The following FREM3 variants were observed in gnomAD, a reference collection of about 807,000 sequenced individuals.
FREM3 encodes FRAS1-related extracellular matrix protein 3.
FREM3 carries 105 observed loss-of-function variants against 129.1 expected under a neutral mutation model. That is an observed-to-expected ratio of 0.81 (90% CI 0.69 to 0.96). The LOEUF is 0.96. Among genes scored for constraint, FREM3 ranks in the 40% least tolerant of loss-of-function variants. The pLI is 0.00. For synonymous variants in FREM3, 1,014 were observed against 1,044.9 expected (o/e 0.97, Z 0.57); for missense variants, 2,593 against 2,666.3 (o/e 0.97, Z 0.61).
intron 7 of FREM3, among the ~76,000 whole-genome samples, chr4:143,578,462 A>C (rs1016758089): frequency 6.6e-6 from 1 of 152,248 alleles, no homozygotes; most frequent in Admixed American, 6.5e-5. Flanking sequence ...GAGTGATATA[A>C]ATATAAAAAT....
intron 6 of FREM3, among the ~76,000 whole-genome samples, 161 bp downstream of exon 6, chr4:143,611,118 G>C (rs74340254): frequency 2.5e-4 from 38 of 152,288 alleles, no homozygotes; most frequent in Middle Eastern, 3.4e-3. Flanking sequence ...TGGTGTTGGT[G>C]ATGTCTATGC....
chr4:143,694,095 CATGACATGAGTTT>C (rs1431968654), intron 1 of FREM3, among the ~76,000 whole-genome samples: 2 of 152,154 alleles, frequency 1.3e-5, no homozygotes, highest in African/African-American at 4.8e-5. Flanking sequence ...AACAGACCAG[CATGACATGAGTTT>C]AAGTATGTAA....
At chr4:143,655,163 C>T (rs1389111229) in intron 2 of FREM3, among the ~76,000 whole-genome samples, 2 of 152,094 alleles carry the variant, frequency 1.3e-5, no homozygotes, top group Non-Finnish European at 2.9e-5. Flanking sequence ...GTACTGTGCA[C>T]CAGTGTACTC....
Position 143,697,713 on chromosome 4 carries a change from A to G in FREM3, c.2963T>C (p.Val988Ala). The G allele has an allele frequency of 8.5e-6, 13 of 1,537,712 alleles. No individual in the cohort carries two copies. Among genetic ancestry groups the G allele is most frequent in the Admixed American group, 2.0e-5 (1 of 51,000 alleles). Residue 988 changes from valine to alanine, a missense_variant, in exon 1 of 8, where the codon GTA (valine) becomes GCA (alanine). Around this residue, in one of 2 missense-constraint regions of FREM3, gnomAD observed 2,276 missense variants for 2,267.2 expected, o/e 1.00. Coordinates refer to ENST00000329798, the MANE Select transcript of FREM3 (RefSeq NM_001168235.2). ...DVGDLMLSFIVKDSPKLGTIL... is the reference protein window; with the variant it reads ...DVGDLMLSFIAKDSPKLGTIL... ...AGTGCCCAGTTTGGGGCTGTCCTTT[A>G]CAATGAAAGACAGCATCAAGTCACC...
chr4:143,662,179 T>C, intron 2 of FREM3, among the ~76,000 whole-genome samples: 1 of 152,190 alleles, frequency 6.6e-6, no homozygotes, highest in Non-Finnish European at 1.5e-5. Flanking sequence ...AATTGTGATG[T>C]TAGGGTGTCA....
At chr4:143,615,668 TAGGGAATATCGTCA>T (rs1738829727) in intron 5 of FREM3, among the ~76,000 whole-genome samples, 1 of 149,542 alleles carries the variant, frequency 6.7e-6, no homozygotes, top group Admixed American at 6.6e-5. Context: ...TCTGTTCTCA[TAGGGAATATCGTCA>T]AGTGTAGGGA....
intron 2 of FREM3, among the ~76,000 whole-genome samples, chr4:143,642,296 A>AT: frequency 6.6e-6 from 1 of 152,252 alleles, no homozygotes; most frequent in Non-Finnish European, 1.5e-5. Context: ...CACAGAAGAG[A>AT]TAACAATAAT....
At position 143,685,446 on chromosome 4, in the gene FREM3, G is replaced by A. The variant is rs556791179; in HGVS notation, c.5275+7667C>T. ...CACAGTCTTTTTCAGATGAACAAGT[G>A]CTGAGGGAATTTATCATTACCAAGC... is the stretch of plus-strand genomic sequence containing the variant. On this transcript the variant is annotated intron_variant, in intron 2 of 7. Transcript: ENST00000329798. 8.5e-5 allele frequency among the ~76,000 whole-genome samples: 13 copies of A among 152,202 alleles called. No homozygotes were observed. In the East Asian group the frequency reaches 2.5e-3, roughly 29 times the overall value.
intron 2 of FREM3, among the ~76,000 whole-genome samples, chr4:143,664,798 G>C (rs544065405): frequency 6.6e-6 from 1 of 152,120 alleles, no homozygotes; most frequent in South Asian, 2.1e-4. Flanking sequence ...AATGGCGGGC[G>C]CCCCTCCCCC....
chr4:143,599,003 T>A (rs908842055), intron 6 of FREM3, among the ~76,000 whole-genome samples: 1 of 152,178 alleles, frequency 6.6e-6, no homozygotes, highest in African/African-American at 2.4e-5. Flanking sequence ...CTGTAGCTGG[T>A]TTTGTACTCA....
chr4:143,641,222 T>G (rs1480596679), intron 2 of FREM3, among the ~76,000 whole-genome samples: 1 of 152,104 alleles, frequency 6.6e-6, no homozygotes, highest in Non-Finnish European at 1.5e-5. Flanking sequence ...ATGTACACAG[T>G]GTACTCAAAG....
chr4:143,577,398 G>A lies in FREM3; in HGVS notation c.*213C>T, dbSNP rs552310272. ...AAAATAGAAAAAGAACATGAACACA[G>A]TCTAATTATTTGTGGGCTCAATGTT... On this transcript the variant is annotated 3_prime_UTR_variant, in exon 8 of 8. Coordinates refer to ENST00000329798, the MANE Select transcript of FREM3 (RefSeq NM_001168235.2). 2 of 540,622 alleles carry A rather than the reference G, an allele frequency of 3.7e-6. No individual in the cohort carries two copies. The highest frequency in any genetic ancestry group is 3.1e-5 in the South Asian group (1 of 32,178). 33.5% of individuals were successfully genotyped at this position (540,622 alleles called of 1,614,324 possible).
chr4:143,581,600 C>T (rs1218025610), intron 7 of FREM3, among the ~76,000 whole-genome samples: 1 of 151,958 alleles, frequency 6.6e-6, no homozygotes, highest in Non-Finnish European at 1.5e-5. Flanking sequence ...AGTGGTTCTG[C>T]CAGTGCTGCC....
chr4:143,697,432 CAT>C lies in FREM3; in HGVS notation c.3242_3243del (p.Tyr1081Ter), dbSNP rs1333094780. ...AAGGTCAAGGAGTTCTTCTCACCTT[CAT>C]AGACAATGAAGGACTCCCCGACGAA... Reference protein sequence around the residue: ...KVFVGESFIVYEGEKNSLTLQ... With the variant: ...KVFVGESFIVXEGEKNSLTLQ... On this transcript the variant is annotated frameshift_variant, in exon 1 of 8. Coordinates refer to ENST00000329798, the MANE Select transcript of FREM3 (RefSeq NM_001168235.2). LOFTEE classifies it high-confidence loss of function. The C allele has an allele frequency of 6.5e-7, 1 of 1,537,238 alleles. No individual in the cohort carries two copies. The highest frequency in any genetic ancestry group is 2.0e-5 in the Admixed American group (1 of 50,998).
intron 2 of FREM3, among the ~76,000 whole-genome samples, chr4:143,640,491 A>G (rs1018212667): frequency 6.6e-6 from 1 of 152,146 alleles, no homozygotes; most frequent in African/African-American, 2.4e-5. Context: ...ACCAACATGG[A>G]GAAACCCTGT....
rs1740263696 is a variant in FREM3, at chr4:143,682,162, G to A, written c.5275+10951C>T. 3.3e-5 allele frequency among the ~76,000 whole-genome samples: 5 copies of A among 152,268 alleles called. No homozygotes were observed. In the South Asian group the frequency reaches 1.0e-3, roughly 32 times the overall value. ...ATACAAAATTTGGTATCCTAGTGAGGCAAGAGAATAGGGTCTGGAGGCAGG... is the reference window on the plus strand; with the variant it reads ...ATACAAAATTTGGTATCCTAGTGAGACAAGAGAATAGGGTCTGGAGGCAGG... On this transcript the variant is annotated intron_variant, in intron 2 of 7. Transcript: ENST00000329798.
At chr4:143,609,857 G>A (rs2149838982) in intron 6 of FREM3, among the ~76,000 whole-genome samples, 1 of 152,260 alleles carries the variant, frequency 6.6e-6, no homozygotes, top group Middle Eastern at 3.4e-3. Context: ...ATAAGATAAC[G>A]TGAGTAGTGT....
intron 6 of FREM3, among the ~76,000 whole-genome samples, chr4:143,609,390 A>C (rs79169296): frequency 6.6e-6 from 1 of 152,180 alleles, no homozygotes; most frequent in Non-Finnish European, 1.5e-5. Flanking sequence ...ACAAATTTCA[A>C]CTTTTCATAT....
In FREM3 at chr4:143,611,901, T is replaced by A. The variant is rs185144863; in HGVS notation, c.5780-374A>T. The stretch of plus-strand genomic sequence containing the variant: ...TCCACAGCATGAAAATAGTATCGAT[T>A]TTTTTCCTGCTACTGCTCTACCCAC... On this transcript the variant is annotated intron_variant, in intron 5 of 7. Transcript: ENST00000329798. Among the ~76,000 whole-genome samples, 715 of 152,322 alleles carry A rather than the reference T, an allele frequency of 4.7e-3. 4 individuals carry two copies. Among genetic ancestry groups the A allele is most frequent in the Non-Finnish European group, 5.6e-3 (378 of 68,028 alleles).
Sources: allele counts gnomAD v4.1 joint callset (sites outside exome capture counted in the v4.1 genomes callset), GRCh38; gene constraint gnomAD v4.1.1; regional missense constraint gnomAD v4.1.1; transcripts MANE v1.5; gene names NCBI Gene and HGNC (gene_info 2026-07-23, HGNC 2026-07-21).